Variants in GFRAL observed in about 807,000 individuals in gnomAD.
GFRAL encodes the protein GDNF family receptor alpha like, also known as GDNF family receptor alpha-like.
A neutral mutation model predicts 45.4 loss-of-function variants in GFRAL; 36 were observed. The ratio of observed to expected loss-of-function variants is 0.79; its 90% CI spans 0.61 to 1.05. The LOEUF is 1.05. GFRAL is among the 50% of genes least tolerant of loss of function. The pLI is 0.00. For missense variants in GFRAL, 507 were observed against 467.5 expected (o/e 1.08, Z -0.78); for synonymous variants, 166 against 154.1 (o/e 1.08, Z -0.57).
chr6:55,361,304 G>C (rs181319815), intron 6 of GFRAL, among the ~76,000 whole-genome samples: 7 of 151,914 alleles, frequency 4.6e-5, no homozygotes, highest in Admixed American at 2.0e-4. Context: ...ATTGGTTCCA[G>C]GACTCAAATG....
intron 6 of GFRAL, among the ~76,000 whole-genome samples, chr6:55,371,898 C>G (rs1249900360): frequency 6.6e-6 from 1 of 152,154 alleles, no homozygotes; most frequent in Non-Finnish European, 1.5e-5. Flanking sequence ...GTCTTTTCCC[C>G]TTTCACAGAC....
chr6:55,365,198 G>A (rs12182510), intron 6 of GFRAL, among the ~76,000 whole-genome samples: 10,627 of 139,918 alleles, frequency 0.076, 442 homozygotes, highest in African/African-American at 0.11. Context: ...TCTCTTTGAA[G>A]CAATTGTGAA....
chr6:55,363,645 A>T (rs1581913290), intron 6 of GFRAL, among the ~76,000 whole-genome samples: 1 of 132,264 alleles, frequency 7.6e-6, no homozygotes, highest in East Asian at 2.3e-4. Context: ...TGTCCATGTG[A>T]TCTCACTGTT....
intron 6 of GFRAL, among the ~76,000 whole-genome samples, chr6:55,392,989 G>A (rs537994960): frequency 9.9e-5 from 15 of 152,218 alleles, no homozygotes; most frequent in African/African-American, 3.1e-4. Flanking sequence ...CGTACATAGC[G>A]TTTGCATATA....
intron 6 of GFRAL, among the ~76,000 whole-genome samples, chr6:55,383,720 C>T (rs146986278): frequency 4.2e-4 from 64 of 152,018 alleles, no homozygotes; most frequent in South Asian, 1.0e-3. Flanking sequence ...ACCTTCCTGC[C>T]GTCTACTGGG....
intron 6 of GFRAL, among the ~76,000 whole-genome samples, chr6:55,396,448 T>C (rs1435502272): frequency 6.6e-6 from 1 of 152,162 alleles, no homozygotes; most frequent in Non-Finnish European, 1.5e-5. Flanking sequence ...AGACTAAATG[T>C]ACTTAGGGAT....
intron 6 of GFRAL, among the ~76,000 whole-genome samples, chr6:55,395,175 A>AAAAAATAT: frequency 8.1e-6 from 1 of 123,498 alleles, no homozygotes; most frequent in African/African-American, 3.5e-5. Context: ...AAAAAAAAAA[A>AAAAAATAT]ATATATATAT....
At chr6:55,349,520 G>A (rs1768086870) in intron 3 of GFRAL, among the ~76,000 whole-genome samples, 1 of 151,810 alleles carries the variant, frequency 6.6e-6, no homozygotes, top group African/African-American at 2.4e-5. Context: ...TTTGTCACCT[G>A]GTACATAGTA....
chr6:55,367,567 C>T (rs1275288017), intron 6 of GFRAL, among the ~76,000 whole-genome samples: 3 of 151,100 alleles, frequency 2.0e-5, no homozygotes, highest in African/African-American at 7.4e-5. Flanking sequence ...CATGATTTTG[C>T]AGCAGCTGGT....
chr6:55,401,882 T>A lies in GFRAL; in HGVS notation c.*29T>A. 1 of 1,193,186 alleles carries A rather than the reference T, an allele frequency of 8.4e-7. No individual in the cohort carries two copies. The highest frequency in any genetic ancestry group is 2.4e-5 in the East Asian group (1 of 42,328). 73.9% of individuals were successfully genotyped at this position (1,193,186 alleles called of 1,614,324 possible). A position where few individuals can be genotyped will look rare whatever the true frequency, so the allele number is the denominator to read the frequency against. Reference sequence around the variant, plus strand: ...ATTAGGAGTCATGGACCTATAACAATCACTCTTTTCTCTGCTTTTCTTCTT... The same window carrying A: ...ATTAGGAGTCATGGACCTATAACAAACACTCTTTTCTCTGCTTTTCTTCTT... On this transcript the variant is annotated 3_prime_UTR_variant, in exon 9 of 9. Coordinates refer to ENST00000340465, the MANE Select transcript of GFRAL (RefSeq NM_207410.2).
chr6:55,363,674 G>A (rs981400895), intron 6 of GFRAL, among the ~76,000 whole-genome samples: 26 of 146,444 alleles, frequency 1.8e-4, no homozygotes, highest in African/African-American at 6.4e-4. Flanking sequence ...ACCTATGAGT[G>A]AGAATATGCG....
At chr6:55,339,504 C>T (rs1271083545) in intron 3 of GFRAL, among the ~76,000 whole-genome samples, 2 of 151,904 alleles carry the variant, frequency 1.3e-5, no homozygotes, top group African/African-American at 4.8e-5. Context: ...CTGGGAAAAA[C>T]ACAAAGGGAG....
chr6:55,383,069 A>C (rs1178010520), intron 6 of GFRAL, among the ~76,000 whole-genome samples: 1 of 151,918 alleles, frequency 6.6e-6, no homozygotes, highest in Non-Finnish European at 1.5e-5. Context: ...GAATAATTTT[A>C]GGGTAGATAA....
In GFRAL at chr6:55,333,917, C is replaced by A; in HGVS notation, c.289C>A (p.Leu97Ile). 1 of 1,549,904 alleles carries A rather than the reference C, an allele frequency of 6.5e-7. No individual in the cohort carries two copies. The change falls in exon 3 of 9, where the codon CTT (leucine) becomes ATT (isoleucine). Residue 97 changes from leucine (L) to isoleucine (I), a missense_variant. Transcript: ENST00000340465. ...CTTCTATTGTACTGTGAACAAACTG[C>A]TTGGAAAAAAATGTATCAATAAATC... The part of the protein sequence containing the change: ...DDFYCTVNKL[L>I]GKKCINKSDN...
chr6:55,330,607 G>A (rs1419319512), intron 1 of GFRAL, among the ~76,000 whole-genome samples: 1 of 152,158 alleles, frequency 6.6e-6, no homozygotes, highest in East Asian at 1.9e-4. Flanking sequence ...GGATCAGACA[G>A]TAGGTATGCA....
chr6:55,339,729 T>G (rs1767937858), intron 3 of GFRAL, among the ~76,000 whole-genome samples: 1 of 152,204 alleles, frequency 6.6e-6, no homozygotes, highest in African/African-American at 2.4e-5. Context: ...TTTAGATTAA[T>G]TAGGCTGAAA....
chr6:55,355,304 G>A (rs1222889326), intron 5 of GFRAL, among the ~76,000 whole-genome samples: 1 of 151,878 alleles, frequency 6.6e-6, no homozygotes, highest in Non-Finnish European at 1.5e-5. Flanking sequence ...GCGTACCTAT[G>A]TAATAAACCT....
chr6:55,352,429 A>G (rs1302417929), intron 5 of GFRAL, among the ~76,000 whole-genome samples: 1 of 152,056 alleles, frequency 6.6e-6, no homozygotes, highest in Non-Finnish European at 1.5e-5. Context: ...CTTGCAAGGA[A>G]GAGTCTGATG....
intron 6 of GFRAL, among the ~76,000 whole-genome samples, chr6:55,380,374 T>G (rs1333497552): frequency 6.6e-6 from 1 of 151,954 alleles, no homozygotes; most frequent in African/African-American, 2.4e-5. Context: ...GGAGTATTAC[T>G]GGACATTAAA....
Sources: gnomAD v4.1 joint callset for allele counts (sites outside exome capture counted in the v4.1 genomes callset) on GRCh38, gnomAD v4.1.1 for gene constraint, MANE v1.5 for transcripts, NCBI Gene and HGNC (gene_info 2026-07-23, HGNC 2026-07-21) for gene names.